The following LSAMP variants were observed in gnomAD, a reference collection of about 807,000 sequenced individuals.
LSAMP encodes the protein limbic system-associated membrane protein.
Under a neutral mutation model 38.6 loss-of-function variants are expected in LSAMP, and 7 were observed. The ratio of observed to expected loss-of-function variants is 0.18; its 90% CI spans 0.10 to 0.34. The LOEUF (loss-of-function observed/expected upper bound fraction) is 0.34, where lower values mean the gene tolerates loss of function less well. LSAMP is among the 10% of genes least tolerant of loss of function. The probability of loss-of-function intolerance (pLI) is 1.00; values close to 1 mark genes in which losing one functional copy is unlikely to be tolerated. For missense variants in LSAMP, 313 were observed against 420.0 expected (o/e 0.75, Z 2.23); for synonymous variants, 154 against 166.8 (o/e 0.92, Z 0.59).
intron 1 of LSAMP, among the ~76,000 whole-genome samples, chr3:116,184,512 A>G (rs1710564517): frequency 1.3e-5 from 2 of 151,994 alleles, no homozygotes; most frequent in African/African-American, 4.8e-5. Context: ...GGAGTCAAAA[A>G]TAACTCAGAC....
At chr3:116,290,309 G>A (rs1235126103) in intron 1 of LSAMP, among the ~76,000 whole-genome samples, 1 of 151,844 alleles carries the variant, frequency 6.6e-6, no homozygotes, top group Non-Finnish European at 1.5e-5. Context: ...ATTGACACAG[G>A]GAAAATATTA....
intron 1 of LSAMP, among the ~76,000 whole-genome samples, chr3:116,292,119 T>C (rs1230356104): frequency 2.0e-5 from 3 of 152,168 alleles, no homozygotes; most frequent in African/African-American, 7.2e-5. Flanking sequence ...TTTGGTAATC[T>C]CCCCTACTTC....
intron 2 of LSAMP, among the ~76,000 whole-genome samples, chr3:116,077,084 T>C (rs1056722179): frequency 6.6e-6 from 1 of 151,596 alleles, no homozygotes; most frequent in Admixed American, 6.6e-5. Context: ...ATATTTGTAT[T>C]GTTAAATATT....
intron 2 of LSAMP, among the ~76,000 whole-genome samples, chr3:116,049,537 G>C (rs1309292753): frequency 2.0e-5 from 3 of 152,188 alleles, no homozygotes; most frequent in East Asian, 3.9e-4. Context: ...GATTACAATA[G>C]GGTGGTTACT....
intron 1 of LSAMP, among the ~76,000 whole-genome samples, chr3:116,308,789 C>A (rs1292658978): frequency 6.6e-6 from 1 of 152,012 alleles, no homozygotes; most frequent in Non-Finnish European, 1.5e-5. Context: ...GTAAAATGGG[C>A]ATGATAATAT....
intron 3 of LSAMP, among the ~76,000 whole-genome samples, chr3:116,006,989 T>G (rs1340231505): frequency 6.6e-6 from 1 of 152,200 alleles, no homozygotes; most frequent in South Asian, 2.1e-4. Context: ...GCCAAAAAAA[T>G]TAAAGAAAAA....
chr3:116,028,899 GA>G lies in LSAMP; in HGVS notation c.389-9260del, dbSNP rs1256627971. Among the ~76,000 whole-genome samples the G allele has an allele frequency of 2.0e-5, 3 of 152,118 alleles. No homozygotes were observed. In the East Asian group the frequency reaches 5.8e-4, roughly 29 times the overall value. On this transcript the variant is annotated intron_variant, in intron 2 of 6. Transcript: ENST00000490035. ...TATTGAGCTTTTATCTACTATTATG[GA>G]GAGCTATGCCAGTATGTTGAGCCAT...
At chr3:116,349,505 T>A (rs201854180) in intron 1 of LSAMP, among the ~76,000 whole-genome samples, 26 of 145,976 alleles carry the variant, frequency 1.8e-4, no homozygotes, top group South Asian at 6.6e-4. Context: ...ACACACACTC[T>A]CTCTCTCTCT....
chr3:116,125,452 C>G (rs557061132), intron 1 of LSAMP, among the ~76,000 whole-genome samples: 1 of 149,618 alleles, frequency 6.7e-6, no homozygotes, highest in Admixed American at 6.7e-5. Context: ...TCCTTCTTTC[C>G]TAGTTGAGAG....
chr3:115,994,788 A>G (rs1939769873), intron 3 of LSAMP, among the ~76,000 whole-genome samples: 2 of 152,100 alleles, frequency 1.3e-5, no homozygotes, highest in African/African-American at 4.8e-5. Flanking sequence ...TGTGGACTCA[A>G]AAGAAACTAT....
chr3:115,923,613 G>T (rs1196129344), intron 3 of LSAMP, among the ~76,000 whole-genome samples: 3 of 152,120 alleles, frequency 2.0e-5, no homozygotes, highest in African/African-American at 7.2e-5. Flanking sequence ...TATCTGCTTA[G>T]TATATCCTAT....
At chr3:115,880,933 G>T (rs1412941261) in intron 3 of LSAMP, among the ~76,000 whole-genome samples, 1 of 151,984 alleles carries the variant, frequency 6.6e-6, no homozygotes, top group East Asian at 1.9e-4. Flanking sequence ...AGCTACTTGG[G>T]AGGCTGAGGC....
chr3:116,086,638 T>C (rs927989899), intron 1 of LSAMP, 82 bp from the exon 2 acceptor site: 2 of 1,042,582 alleles, frequency 1.9e-6, no homozygotes, highest in East Asian at 4.9e-5. Flanking sequence ...ACTCAACAAG[T>C]CTAAACAAGG....
chr3:116,277,023 AGAT>A (rs1235307782), intron 1 of LSAMP, among the ~76,000 whole-genome samples: 1 of 152,218 alleles, frequency 6.6e-6, no homozygotes, highest in Non-Finnish European at 1.5e-5. Context: ...ACAGAGCTCT[AGAT>A]GAATCAAGAA....
intron 1 of LSAMP, among the ~76,000 whole-genome samples, chr3:116,156,371 T>C (rs952090900): frequency 6.6e-6 from 1 of 152,104 alleles, no homozygotes; most frequent in Non-Finnish European, 1.5e-5. Context: ...GAGGAAGGAA[T>C]GCTATTTATT....
In LSAMP at chr3:115,804,880, TA is replaced by T. The variant is rs1205807504; in HGVS notation, c.*5436del. 6 of 152,210 alleles carry T rather than the reference TA, an allele frequency of 3.9e-5. No homozygotes were observed. Among genetic ancestry groups the T allele is most frequent in the Non-Finnish European group, 7.3e-5 (5 of 68,030 alleles). 9.4% of individuals were successfully genotyped at this position (152,210 alleles called of 1,614,324 possible). On this transcript the variant is annotated 3_prime_UTR_variant, in exon 7 of 7. Transcript: ENST00000490035. ...GGATAAATGTGTGGAAACATTAGGC[TA>T]CCAGATAAATAAAAGGTAGTTATTT...
intron 1 of LSAMP, among the ~76,000 whole-genome samples, chr3:116,133,743 GA>G (rs1709185926): frequency 6.6e-6 from 1 of 152,006 alleles, no homozygotes; most frequent in Non-Finnish European, 1.5e-5. Context: ...CTTTTTTCAT[GA>G]AGTTTATATT....
At position 116,019,585 on chromosome 3, in the gene LSAMP, G is replaced by A. The variant is rs780626885; in HGVS notation, c.444C>T (p.Asn148=). Residue 148 remains asparagine, a synonymous_variant, in exon 3 of 7, where the codon AAC becomes AAT. Transcript: ENST00000490035. The part of the protein sequence containing the change: ...SSDVTVNEGS[N]VTLVCMANGR... ...CATTGGCCATGCAGACCAGAGTCAC[G>A]TTGCTGCCCTCATTCACAGTGACAT... 8 of 1,612,934 alleles carry A rather than the reference G, an allele frequency of 5.0e-6. No individual in the cohort carries two copies. Among genetic ancestry groups the A allele is most frequent in the Admixed American group, 3.3e-5 (2 of 59,990 alleles).
At chr3:115,900,241 G>A (rs553945768) in intron 3 of LSAMP, among the ~76,000 whole-genome samples, 5 of 152,240 alleles carry the variant, frequency 3.3e-5, no homozygotes, top group South Asian at 2.1e-4. Context: ...TCAGCTGGGC[G>A]TGGTGGCTCA....
Sources: allele counts gnomAD v4.1 joint callset (sites outside exome capture counted in the v4.1 genomes callset), GRCh38; gene constraint gnomAD v4.1.1; transcripts MANE v1.5; gene names NCBI Gene and HGNC (gene_info 2026-07-23, HGNC 2026-07-21).